SEMA3E: variants seen among roughly 807,000 people sequenced by gnomAD.
SEMA3E encodes the protein semaphorin-3E.
A neutral mutation model predicts 93.6 loss-of-function variants in SEMA3E; 49 were observed. The observed-to-expected ratio is 0.52, with a 90% CI of 0.42 to 0.66. SEMA3E has a LOEUF of 0.66. Among genes scored for constraint, SEMA3E ranks in the 30% least tolerant of loss-of-function variants. The pLI is 0.00. For missense variants in SEMA3E, 906 were observed against 964.8 expected, an observed-to-expected ratio of 0.94 and a Z score of 0.81; for synonymous variants, 363 against 330.7, an observed-to-expected ratio of 1.10 and a Z score of -1.06.
At chr7:83,586,717 A>C (rs924118998) in intron 1 of SEMA3E, among the ~76,000 whole-genome samples, 1 of 151,894 alleles carries the variant, frequency 6.6e-6, no homozygotes, top group Admixed American at 6.6e-5. Context: ...TCTCAACATT[A>C]TAATAAAAAT....
chr7:83,535,403 CT>C (rs5885364), intron 1 of SEMA3E, among the ~76,000 whole-genome samples: 103,478 of 151,628 alleles, frequency 0.68, 35,772 homozygotes, highest in South Asian at 0.85. Context: ...TAAAAAGTTA[CT>C]TTTTTTTCAA....
chr7:83,575,970 A>T (rs1344004780), intron 1 of SEMA3E, among the ~76,000 whole-genome samples: 4 of 152,184 alleles, frequency 2.6e-5, no homozygotes, highest in Non-Finnish European at 5.9e-5. Flanking sequence ...GCATAGTTTT[A>T]AGTTTTCAAA....
rs1793908459 is a variant in SEMA3E, at chr7:83,637,754, T to C, written c.115+10674A>G. Among the ~76,000 whole-genome samples, 4 of 151,478 alleles carry C rather than the reference T, an allele frequency of 2.6e-5. No individual in the cohort carries two copies. The South Asian group carries it at 8.3e-4, about 32-fold the overall frequency. ...TGTGGAACTGTGAGTCAATTAAACC[T>C]CTTTCCTTTATAAATTATCCAGTCT... On this transcript the variant is annotated intron_variant, in intron 1 of 16. Transcript: ENST00000643230.
chr7:83,419,300 A>G (rs1311300633), intron 4 of SEMA3E, among the ~76,000 whole-genome samples: 1 of 152,128 alleles, frequency 6.6e-6, no homozygotes, highest in African/African-American at 2.4e-5. Flanking sequence ...GTCTAGCATT[A>G]ATGAGCACTT....
At chr7:83,475,439 A>G (rs1051234287) in intron 2 of SEMA3E, among the ~76,000 whole-genome samples, 1 of 152,156 alleles carries the variant, frequency 6.6e-6, no homozygotes, top group African/African-American at 2.4e-5. Flanking sequence ...TTTCCTGACC[A>G]GGATAGTAAA....
chr7:83,429,450 T>A (rs962091126), intron 4 of SEMA3E, among the ~76,000 whole-genome samples: 6 of 152,210 alleles, frequency 3.9e-5, no homozygotes, highest in African/African-American at 7.2e-5. Context: ...GCCTACTGGC[T>A]AGGTATGCCA....
intron 4 of SEMA3E, among the ~76,000 whole-genome samples, chr7:83,458,081 T>G (rs989273269): frequency 2.6e-4 from 40 of 151,496 alleles, no homozygotes; most frequent in African/African-American, 9.7e-4. Flanking sequence ...TATCTGATAT[T>G]TAGATAATTA....
At chr7:83,502,837 A>G (rs1032682294) in intron 1 of SEMA3E, among the ~76,000 whole-genome samples, 10 of 152,084 alleles carry the variant, frequency 6.6e-5, no homozygotes, top group African/African-American at 1.4e-4. Flanking sequence ...ACCAGTTCCT[A>G]TGGTTTATTT....
intron 16 of SEMA3E, among the ~76,000 whole-genome samples, chr7:83,381,243 T>C (rs1475766921): frequency 6.6e-6 from 1 of 152,010 alleles, no homozygotes; most frequent in African/African-American, 2.4e-5. Context: ...AGCTTTTCCT[T>C]GACCTCACCT....
At chr7:83,620,574 T>C (rs552773293) in intron 1 of SEMA3E, among the ~76,000 whole-genome samples, 8 of 152,206 alleles carry the variant, frequency 5.3e-5, no homozygotes, top group African/African-American at 1.9e-4. Context: ...ATATCCCTGA[T>C]GAATATGGAT....
chr7:83,535,804 A>G (rs573095875), intron 1 of SEMA3E, among the ~76,000 whole-genome samples: 16 of 152,162 alleles, frequency 1.1e-4, no homozygotes, highest in Non-Finnish European at 1.6e-4. Flanking sequence ...TCTTGTAAAT[A>G]GTTTATAAAA....
chr7:83,498,086 T>C (rs1269835246), intron 1 of SEMA3E, among the ~76,000 whole-genome samples: 1 of 151,988 alleles, frequency 6.6e-6, no homozygotes, highest in Non-Finnish European at 1.5e-5. Context: ...TTTTCTCTTA[T>C]GGTTTTCTTA....
chr7:83,387,187 C>T (rs1787899063), intron 14 of SEMA3E, 137 bp from the exon 15 acceptor site: 2 of 750,330 alleles, frequency 2.7e-6, no homozygotes, highest in East Asian at 5.4e-5. Flanking sequence ...AGAATAAAAT[C>T]CAAGTTTCAT....
At position 83,469,257 on chromosome 7, in the gene SEMA3E, T is replaced by A; in HGVS notation, c.322A>T (p.Lys108Ter). Residue 108 changes from lysine (K) to a stop codon, truncating the protein, a stop_gained, in exon 3 of 17, where the codon AAG (lysine) becomes TAG (stop). Coordinates refer to ENST00000643230, the MANE Select transcript of SEMA3E (RefSeq NM_012431.3). LOFTEE classifies it high-confidence loss of function. ...TALKMEECIM[K>*]GKDAGECANY... ...ATCATACTTACCGCATCTTTTCCCT[T>A]CATTATGCATTCTTCCATTTTTAGA... 1.2e-6 allele frequency: 2 copies of A among 1,610,624 alleles called. No homozygotes were observed. The highest frequency in any genetic ancestry group is 1.7e-6 in the Non-Finnish European group (2 of 1,177,332).
At chr7:83,527,947 G>T (rs562169466) in intron 1 of SEMA3E, among the ~76,000 whole-genome samples, 1 of 152,096 alleles carries the variant, frequency 6.6e-6, no homozygotes, top group Non-Finnish European at 1.5e-5. Context: ...AAAAGAATAA[G>T]TTAGTTATAA....
Position 83,388,328 on chromosome 7 carries a change from A to AT in SEMA3E, c.1668-1279_1668-1278insA, listed in dbSNP as rs1261398502. Among the ~76,000 whole-genome samples the AT allele has an allele frequency of 3.4e-5, 5 of 147,006 alleles. No homozygotes were observed. In the South Asian group the frequency reaches 6.3e-4, roughly 19 times the overall value. On this transcript the variant is annotated intron_variant, in intron 14 of 16. Coordinates refer to ENST00000643230, the MANE Select transcript of SEMA3E (RefSeq NM_012431.3). ...ATCTCAAAAAATAAAAAAATAAAAA[A>AT]AAATATATATATATCTTTAAATATA...
chr7:83,565,714 T>C (rs1792134121), intron 1 of SEMA3E, among the ~76,000 whole-genome samples: 1 of 152,082 alleles, frequency 6.6e-6, no homozygotes, highest in Non-Finnish European at 1.5e-5. Context: ...ACAGCTTCCT[T>C]GACCAAAGGC....
chr7:83,606,975 G>A (rs867071113), intron 1 of SEMA3E, among the ~76,000 whole-genome samples: 5 of 152,124 alleles, frequency 3.3e-5, no homozygotes, highest in Admixed American at 6.6e-5. Flanking sequence ...AAAGTATAAT[G>A]TAGGGAATGA....
chr7:83,568,538 G>T (rs1473503114), intron 1 of SEMA3E, among the ~76,000 whole-genome samples: 1 of 152,082 alleles, frequency 6.6e-6, no homozygotes, highest in Admixed American at 6.5e-5. Flanking sequence ...GATCAAACAT[G>T]ATTTATCCCA....
Sources: allele counts gnomAD v4.1 joint callset (sites outside exome capture counted in the v4.1 genomes callset), GRCh38; gene constraint gnomAD v4.1.1; transcripts MANE v1.5; gene names NCBI Gene and HGNC (gene_info 2026-07-23, HGNC 2026-07-21).